Variants in KCND3 observed in about 807,000 individuals in gnomAD.
KCND3 encodes the protein potassium voltage-gated channel subfamily D member 3.
KCND3 carries 9 observed loss-of-function variants against 51.1 expected under a neutral mutation model. The observed-to-expected ratio is 0.18, with a 90% CI of 0.11 to 0.31. KCND3 has a LOEUF of 0.31. KCND3 is among the 10% of genes least tolerant of loss of function. KCND3 has a pLI of 1.00. For synonymous variants in KCND3, 349 were observed against 368.0 expected, an observed-to-expected ratio of 0.95 and a Z score of 0.59; for missense variants, 526 against 903.8, an observed-to-expected ratio of 0.58 and a Z score of 5.36.
intron 2 of KCND3, among the ~76,000 whole-genome samples, chr1:111,816,224 C>A (rs990646920): frequency 6.6e-6 from 1 of 152,218 alleles, no homozygotes; most frequent in Non-Finnish European, 1.5e-5. Flanking sequence ...GGGTGGGGTC[C>A]GAGCACTGGA....
intron 2 of KCND3, among the ~76,000 whole-genome samples, chr1:111,898,936 C>T (rs1162083883): frequency 6.6e-6 from 1 of 152,144 alleles, no homozygotes; most frequent in Non-Finnish European, 1.5e-5. Context: ...GGGCTCAGCA[C>T]CATCTTACTG....
chr1:111,782,996 AC>A (rs1270464500), intron 3 of KCND3, among the ~76,000 whole-genome samples: 1 of 152,098 alleles, frequency 6.6e-6, no homozygotes, highest in Non-Finnish European at 1.5e-5. Context: ...AGGGTTTCAC[AC>A]TGCACAGGTG....
At chr1:111,857,172 T>A (rs1210809522) in intron 2 of KCND3, among the ~76,000 whole-genome samples, 1 of 152,234 alleles carries the variant, frequency 6.6e-6, no homozygotes, top group East Asian at 1.9e-4. Context: ...GCACTTTTCA[T>A]ATTCGTTACT....
intron 2 of KCND3, among the ~76,000 whole-genome samples, chr1:111,881,656 G>C (rs1669331132): frequency 6.6e-6 from 1 of 152,222 alleles, no homozygotes; most frequent in Admixed American, 6.5e-5. Context: ...CCCTGGGGCA[G>C]GGCAAAGGGC....
chr1:111,870,556 G>T (rs1013977166), intron 2 of KCND3, among the ~76,000 whole-genome samples: 1 of 152,162 alleles, frequency 6.6e-6, no homozygotes, highest in South Asian at 2.1e-4. Context: ...TCCAAGGAGG[G>T]CACTGCTTGG....
intron 2 of KCND3, among the ~76,000 whole-genome samples, chr1:111,851,780 C>T (rs1234882783): frequency 1.3e-5 from 2 of 152,238 alleles, no homozygotes. Context: ...GGGTGAATCA[C>T]CACCATGAGG....
At chr1:111,869,773 A>T (rs567401916) in intron 2 of KCND3, among the ~76,000 whole-genome samples, 4 of 152,314 alleles carry the variant, frequency 2.6e-5, no homozygotes, top group African/African-American at 9.6e-5. Flanking sequence ...AAACTTTTAC[A>T]ATTTCCCAGA....
intron 1 of KCND3, among the ~76,000 whole-genome samples, chr1:111,983,774 T>C (rs1675107099): frequency 6.6e-6 from 1 of 152,156 alleles, no homozygotes; most frequent in Non-Finnish European, 1.5e-5. Context: ...CTCAGAGATT[T>C]TTCCAGAGCC....
intron 2 of KCND3, among the ~76,000 whole-genome samples, chr1:111,977,181 C>A (rs1674679040): frequency 6.6e-6 from 1 of 152,208 alleles, no homozygotes; most frequent in South Asian, 2.1e-4. Flanking sequence ...TTGAGAGGAG[C>A]ACTGATGGGC....
intron 2 of KCND3, among the ~76,000 whole-genome samples, chr1:111,975,767 GCTT>G (rs1557761886): frequency 6.6e-6 from 1 of 152,182 alleles, no homozygotes; most frequent in Admixed American, 6.5e-5. Flanking sequence ...TGCTCTTGCA[GCTT>G]GACCATTTGG....
chr1:111,777,330 G>T (rs1422085752), intron 6 of KCND3, 57 bp from the exon 7 acceptor site: 1 of 1,569,526 alleles, frequency 6.4e-7, no homozygotes, highest in African/African-American at 1.4e-5. Context: ...AGAGAGGTAA[G>T]CCCCTATACT....
intron 2 of KCND3, among the ~76,000 whole-genome samples, chr1:111,816,114 A>C (rs564119325): frequency 6.6e-6 from 1 of 152,362 alleles, no homozygotes; most frequent in Admixed American, 6.5e-5. Flanking sequence ...TTACAGATGA[A>C]GAAACAAAGG....
rs559584593 is a variant in KCND3, at chr1:111,949,624, T to C, written c.1106+31997A>G. Among the ~76,000 whole-genome samples the C allele has an allele frequency of 2.6e-5, 4 of 152,346 alleles. No individual in the cohort carries two copies. The East Asian group carries it at 7.7e-4, about 29-fold the overall frequency. On this transcript the variant is annotated intron_variant, in intron 2 of 7. Transcript: ENST00000302127. ...AATTAAAAAATGAATTTTCTGTTTT[T>C]GTTTCATTGCATTTCTCTCTCTCCC...
At chr1:111,930,489 C>G (rs1331772932) in intron 2 of KCND3, among the ~76,000 whole-genome samples, 1 of 152,204 alleles carries the variant, frequency 6.6e-6, no homozygotes, top group African/African-American at 2.4e-5. Flanking sequence ...AGTGTCTGAG[C>G]AGTAGACCAA....
At chr1:111,885,668 A>AT (rs1002160231) in intron 2 of KCND3, among the ~76,000 whole-genome samples, 7 of 151,336 alleles carry the variant, frequency 4.6e-5, no homozygotes, top group African/African-American at 1.7e-4. Flanking sequence ...ACCCTGTTAC[A>AT]TTTTGTGATT....
At chr1:111,807,416 G>T (rs187930202) in intron 2 of KCND3, among the ~76,000 whole-genome samples, 1 of 152,206 alleles carries the variant, frequency 6.6e-6, no homozygotes, top group Non-Finnish European at 1.5e-5. Context: ...GGTGGCTCAC[G>T]CCTGTAATCC....
intron 2 of KCND3, among the ~76,000 whole-genome samples, chr1:111,881,341 C>T (rs1310837747): frequency 6.6e-6 from 1 of 152,188 alleles, no homozygotes; most frequent in African/African-American, 2.4e-5. Flanking sequence ...GAAAAAGTGC[C>T]TTTTGTGCTT....
chr1:111,808,651 A>AC (rs1665690805), intron 2 of KCND3, among the ~76,000 whole-genome samples: 1 of 152,238 alleles, frequency 6.6e-6, no homozygotes. Context: ...AAGCCCTCTC[A>AC]GGCCTTGCTC....
intron 2 of KCND3, among the ~76,000 whole-genome samples, chr1:111,944,781 T>C (rs1223021562): frequency 6.6e-6 from 1 of 152,176 alleles, no homozygotes; most frequent in Non-Finnish European, 1.5e-5. Flanking sequence ...CTGGGGGTGA[T>C]TACACTCCAA....
Sources: allele counts gnomAD v4.1 joint callset (sites outside exome capture counted in the v4.1 genomes callset), GRCh38; gene constraint gnomAD v4.1.1; transcripts MANE v1.5; gene names NCBI Gene and HGNC (gene_info 2026-07-23, HGNC 2026-07-21).